DACH2: variants seen among roughly 807,000 people sequenced by gnomAD.
DACH2 encodes the protein dachshund family transcription factor 2, also known as dachshund homolog 2.
A neutral mutation model predicts 35.8 loss-of-function variants in DACH2; 17 were observed. The ratio of observed to expected loss-of-function variants is 0.48; its 90% CI spans 0.33 to 0.71. The LOEUF is 0.71. DACH2 is among the 30% of genes least tolerant of loss of function. The pLI is 0.02. For missense variants in DACH2, 469 were observed against 472.7 expected, an observed-to-expected ratio of 0.99 and a Z score of 0.07; for synonymous variants, 195 against 177.3, an observed-to-expected ratio of 1.10 and a Z score of -0.79.
At chrX:86,445,578 A>G (rs1349805146) in intron 2 of DACH2, among the ~76,000 whole-genome samples, 3 of 102,843 alleles carry the variant, frequency 2.9e-5, no homozygotes, top group Non-Finnish European at 5.9e-5. Flanking sequence ...AAAAAAAAAA[A>G]AAAGAAATTT....
chrX:86,290,854 T>C (rs1481679060), intron 1 of DACH2, among the ~76,000 whole-genome samples: 6 of 103,596 alleles, frequency 5.8e-5, no homozygotes, highest in East Asian at 3.1e-4. Context: ...AGTCAGGTAG[T>C]GTGATGCCTC....
chrX:86,400,415 C>A (rs2036402265), intron 2 of DACH2, among the ~76,000 whole-genome samples: 1 of 111,840 alleles, frequency 8.9e-6, no homozygotes. Flanking sequence ...TATTCCATTG[C>A]TAGTGAGGAG....
Position 86,380,771 on chromosome X carries a change from A to C in DACH2, c.527+3909A>C, listed in dbSNP as rs753815096. Among the ~76,000 whole-genome samples, 4 of 110,318 alleles carry C rather than the reference A, an allele frequency of 3.6e-5. 1 individual carries two copies. The highest frequency in any genetic ancestry group is 7.6e-5 in the Non-Finnish European group (4 of 52,348). ...ATCATTGCTGTGTCTTTTTAAAATT[A>C]TGTGTGTATTTATACACAAACAACA... is the stretch of plus-strand genomic sequence containing the variant. On this transcript the variant is annotated intron_variant, in intron 2 of 11. Transcript: ENST00000373125.
intron 2 of DACH2, among the ~76,000 whole-genome samples, chrX:86,459,717 T>C (rs1405930903): frequency 9.0e-6 from 1 of 111,676 alleles, no homozygotes. Flanking sequence ...AATTTTGTAA[T>C]GCAAACAGCT....
chrX:86,481,228 C>G (rs2037930669), intron 2 of DACH2: 2 of 112,020 alleles, frequency 1.8e-5, no homozygotes, highest in Admixed American at 9.5e-5. Context: ...TTGTTTATAT[C>G]AGTTCTATTG....
At chrX:86,531,063 G>T (rs901268829) in intron 3 of DACH2, among the ~76,000 whole-genome samples, 1 of 111,872 alleles carries the variant, frequency 8.9e-6, no homozygotes, top group African/African-American at 3.3e-5. Context: ...TTTCTAAGCA[G>T]CAAAGCATTC....
At chrX:86,672,405 A>C (rs2040775028) in intron 4 of DACH2, among the ~76,000 whole-genome samples, 1 of 111,977 alleles carries the variant, frequency 8.9e-6, no homozygotes, top group Non-Finnish European at 1.9e-5. Flanking sequence ...TCATGGCAGC[A>C]GCCCCTCACA....
chrX:86,257,106 A>T (rs912197279), intron 1 of DACH2, among the ~76,000 whole-genome samples: 11 of 111,780 alleles, frequency 9.8e-5, no homozygotes, highest in Non-Finnish European at 1.9e-4. Flanking sequence ...AATCTTCAGA[A>T]ATATGCTATT....
chrX:86,625,563 C>T (rs186460231), intron 3 of DACH2, among the ~76,000 whole-genome samples: 84 of 110,943 alleles, frequency 7.6e-4, no homozygotes, highest in Middle Eastern at 9.3e-3. Context: ...ATACCCTAAA[C>T]CCCACTGTAT....
intron 1 of DACH2, among the ~76,000 whole-genome samples, chrX:86,310,389 G>T (rs2034773994): frequency 9.0e-6 from 1 of 111,686 alleles, no homozygotes; most frequent in South Asian, 3.8e-4. Flanking sequence ...CCCCCAGCCT[G>T]CACCAATGGC....
rs181998612 is a variant in DACH2, at chrX:86,337,889, C to A, written c.489-38935C>A. The stretch of plus-strand genomic sequence containing the variant: ...GATTATTTACCAAGTAAATGGAAAT[C>A]AAAAAAAATCAGGGGTTGCAGACCT... On this transcript the variant is annotated intron_variant, in intron 1 of 11. Transcript: ENST00000373125. 1.1e-3 allele frequency among the ~76,000 whole-genome samples: 119 copies of A among 108,130 alleles called. 1 individual carries two copies. Among genetic ancestry groups the A allele is most frequent in the East Asian group, 4.1e-3 (14 of 3,451 alleles). The allele number at this position is 108,130 out of a possible 115,157, so 93.9% of individuals were successfully genotyped here. A position where few individuals can be genotyped will look rare whatever the true frequency, so the allele number is the denominator to read the frequency against.
At chrX:86,243,721 T>C (rs1007184666) in intron 1 of DACH2, among the ~76,000 whole-genome samples, 4 of 112,160 alleles carry the variant, frequency 3.6e-5, no homozygotes, top group African/African-American at 9.7e-5. Flanking sequence ...AATAAGACTG[T>C]AAGTAAAGCA....
chrX:86,274,950 A>G (rs2033891060), intron 1 of DACH2, among the ~76,000 whole-genome samples: 1 of 112,065 alleles, frequency 8.9e-6, no homozygotes, highest in Non-Finnish European at 1.9e-5. Context: ...ATACAAAAGG[A>G]TTTGAAGCTT....
chrX:86,187,612 G>T (rs756348027), intron 1 of DACH2, among the ~76,000 whole-genome samples: 100 of 110,545 alleles, frequency 9.0e-4, no homozygotes, highest in African/African-American at 3.1e-3. Context: ...TTTTAGTAGA[G>T]ACAGGGTTTC....
intron 4 of DACH2, among the ~76,000 whole-genome samples, chrX:86,689,448 AC>A (rs2148440080): frequency 3.2e-5 from 1 of 30,817 alleles, no homozygotes; most frequent in South Asian, 7.0e-4. Context: ...ATTATTATTT[AC>A]AAAAAATGAA....
chrX:86,436,336 C>A (rs1175663776), intron 2 of DACH2, among the ~76,000 whole-genome samples: 1 of 105,125 alleles, frequency 9.5e-6, no homozygotes. Flanking sequence ...AAACCAGGCA[C>A]ATTTTTTTCT....
At chrX:86,467,071 T>C (rs980176810) in intron 2 of DACH2, among the ~76,000 whole-genome samples, 32 of 112,259 alleles carry the variant, frequency 2.9e-4, no homozygotes, top group African/African-American at 1.0e-3. Context: ...TTATACAAAT[T>C]TCTGCAGCTG....
At chrX:86,765,812 A>G (rs2041929889) in intron 7 of DACH2, among the ~76,000 whole-genome samples, 1 of 95,679 alleles carries the variant, frequency 1.0e-5, no homozygotes, top group African/African-American at 4.0e-5. Context: ...TTTTTTTTAT[A>G]CCACAGTGTT....
chrX:86,634,708 A>G (rs1455676375), intron 3 of DACH2, among the ~76,000 whole-genome samples: 1 of 111,911 alleles, frequency 8.9e-6, no homozygotes, highest in Non-Finnish European at 1.9e-5. Flanking sequence ...AAAAATTAAA[A>G]TACCTAGGAA....
Sources: allele counts gnomAD v4.1 joint callset (sites outside exome capture counted in the v4.1 genomes callset), GRCh38; gene constraint gnomAD v4.1.1; transcripts MANE v1.5; gene names NCBI Gene and HGNC (gene_info 2026-07-23, HGNC 2026-07-21).